ATF6: variants seen among roughly 807,000 people sequenced by gnomAD.
The protein encoded by ATF6 is cyclic AMP-dependent transcription factor ATF-6 alpha.
Under a neutral mutation model 83.6 loss-of-function variants are expected in ATF6, and 53 were observed. The ratio of observed to expected loss-of-function variants is 0.63; its 90% confidence interval spans 0.51 to 0.80. The LOEUF is 0.80. Among genes scored for constraint, ATF6 ranks in the 30% least tolerant of loss-of-function variants. The probability of loss-of-function intolerance (pLI) is 0.00; values close to 1 mark genes in which losing one functional copy is unlikely to be tolerated. For synonymous variants in ATF6, 288 were observed against 285.8 expected (o/e 1.01, Z -0.08); for missense variants, 744 against 797.9 (o/e 0.93, Z 0.81).
chr1:161,908,800 T>C (rs1687927657), intron 14 of ATF6, among the ~76,000 whole-genome samples: 1 of 152,224 alleles, frequency 6.6e-6, no homozygotes, highest in South Asian at 2.1e-4. Context: ...TTTTTGTCAC[T>C]GTTGGGTTAT....
intron 9 of ATF6, among the ~76,000 whole-genome samples, chr1:161,823,827 T>C (rs1685819752): frequency 6.6e-6 from 1 of 152,224 alleles, no homozygotes; most frequent in African/African-American, 2.4e-5. Context: ...CCAGAGTTCC[T>C]TGGACTGCTT....
intron 1 of ATF6, among the ~76,000 whole-genome samples, chr1:161,770,632 T>C (rs1379966493): frequency 1.3e-5 from 2 of 152,200 alleles, no homozygotes; most frequent in Non-Finnish European, 2.9e-5. Context: ...ACTGTATCTC[T>C]CGATATAGTA....
At chr1:161,953,022 G>T (rs1411719166) in intron 15 of ATF6, among the ~76,000 whole-genome samples, 1 of 151,980 alleles carries the variant, frequency 6.6e-6, no homozygotes, top group Admixed American at 6.6e-5. Flanking sequence ...CTACAACATA[G>T]GAATAATAAT....
chr1:161,948,067 AC>A (rs562564881), intron 15 of ATF6, among the ~76,000 whole-genome samples: 1 of 150,520 alleles, frequency 6.6e-6, no homozygotes, highest in Non-Finnish European at 1.5e-5. Context: ...CAAGTGATCC[AC>A]CCCCCCGTCA....
chr1:161,788,884 G>T (rs1266564278), intron 4 of ATF6, among the ~76,000 whole-genome samples: 1 of 152,050 alleles, frequency 6.6e-6, no homozygotes, highest in African/African-American at 2.4e-5. Context: ...CCTTAGTTCA[G>T]TTGTGTAGTT....
At chr1:161,898,721 TA>T (rs1159030389) in intron 14 of ATF6, among the ~76,000 whole-genome samples, 10 of 152,212 alleles carry the variant, frequency 6.6e-5, no homozygotes, top group Admixed American at 2.0e-4. Flanking sequence ...CTAATTTTTG[TA>T]TTTTTAGTAG....
At chr1:161,904,579 CTG>C (rs536657797) in intron 14 of ATF6, among the ~76,000 whole-genome samples, 75 of 151,614 alleles carry the variant, frequency 4.9e-4, no homozygotes, top group African/African-American at 1.7e-3. Context: ...CAGAATGAGA[CTG>C]TATAAAACAA....
intron 9 of ATF6, among the ~76,000 whole-genome samples, chr1:161,837,307 T>C (rs1190353804): frequency 6.6e-6 from 1 of 152,222 alleles, no homozygotes; most frequent in Non-Finnish European, 1.5e-5. Context: ...TTTGTCACAT[T>C]AGTGAGCATT....
intron 6 of ATF6, among the ~76,000 whole-genome samples, chr1:161,796,266 C>A (rs546860417): frequency 6.6e-6 from 1 of 152,200 alleles, no homozygotes; most frequent in South Asian, 2.1e-4. Context: ...TTATAAGTTG[C>A]CTAATTCATT....
chr1:161,935,712 G>C (rs1455590030), intron 15 of ATF6, among the ~76,000 whole-genome samples: 1 of 152,146 alleles, frequency 6.6e-6, no homozygotes, highest in Non-Finnish European at 1.5e-5. Context: ...ACTTTTCTCT[G>C]TTGTAATTTT....
intron 14 of ATF6, among the ~76,000 whole-genome samples, chr1:161,874,135 C>T (rs550022461): frequency 6.6e-6 from 1 of 151,676 alleles, no homozygotes; most frequent in African/African-American, 2.4e-5. Context: ...GTAAGAATTT[C>T]TCTGGGTTTC....
At chr1:161,894,279 G>A (rs78475544) in intron 14 of ATF6, among the ~76,000 whole-genome samples, 3 of 145,884 alleles carry the variant, frequency 2.1e-5, no homozygotes, top group Non-Finnish European at 4.5e-5. Context: ...TTGGAATTAA[G>A]TAATTTTAGT....
chr1:161,843,413 T>C (rs1686404576), intron 9 of ATF6, among the ~76,000 whole-genome samples: 1 of 152,218 alleles, frequency 6.6e-6, no homozygotes, highest in Non-Finnish European at 1.5e-5. Context: ...ATATAGTTCT[T>C]GGAACATAAT....
chr1:161,951,196 AAG>A (rs1287236076), intron 15 of ATF6, among the ~76,000 whole-genome samples: 3 of 152,238 alleles, frequency 2.0e-5, no homozygotes, highest in Non-Finnish European at 4.4e-5. Context: ...TCACCTTTCA[AAG>A]AGTCATTGTT....
intron 1 of ATF6, among the ~76,000 whole-genome samples, chr1:161,772,808 T>A (rs1258630387): frequency 6.6e-6 from 1 of 151,754 alleles, no homozygotes; most frequent in Non-Finnish European, 1.5e-5. Context: ...TCTCTTCAGA[T>A]GTTACTTCAC....
chr1:161,791,363 G>A, intron 4 of ATF6, 45 bp from the exon 5 acceptor site: 3 of 1,537,798 alleles, frequency 2.0e-6, no homozygotes, highest in Non-Finnish European at 8.7e-7. Context: ...GCAATTTGCT[G>A]CTTAAGGATT....
chr1:161,940,811 C>T (rs767851886), intron 15 of ATF6, among the ~76,000 whole-genome samples: 35 of 152,118 alleles, frequency 2.3e-4, no homozygotes, highest in Non-Finnish European at 3.4e-4. Flanking sequence ...ATCCGCCCAC[C>T]TCGGCCTCCC....
chr1:161,896,948 C>A (rs1414669368), intron 14 of ATF6, among the ~76,000 whole-genome samples: 1 of 152,162 alleles, frequency 6.6e-6, no homozygotes, highest in African/African-American at 2.4e-5. Flanking sequence ...GCACTTTTCA[C>A]TGCACTTTAC....
At chr1:161,804,678 CTT>C (rs34697417) in intron 7 of ATF6, among the ~76,000 whole-genome samples, 4 of 148,134 alleles carry the variant, frequency 2.7e-5, no homozygotes, top group South Asian at 2.1e-4. Flanking sequence ...ACCCCCCTGC[CTT>C]TTTTTTTTTC....
Sources: allele counts gnomAD v4.1 joint callset (sites outside exome capture counted in the v4.1 genomes callset), GRCh38; gene constraint gnomAD v4.1.1; transcripts MANE v1.5; gene names NCBI Gene and HGNC (gene_info 2026-07-23, HGNC 2026-07-21).